CAMK2B: variants seen among roughly 807,000 people sequenced by gnomAD.
CAMK2B encodes calcium/calmodulin-dependent protein kinase type II subunit beta.
In CAMK2B, 27 loss-of-function variants were observed where a neutral mutation model predicts 93.7. That is an observed-to-expected ratio of 0.29 (90% CI 0.21 to 0.40). CAMK2B has a LOEUF of 0.40. Among genes scored for constraint, CAMK2B ranks in the 10% least tolerant of loss-of-function variants. The pLI, the probability that CAMK2B is intolerant of heterozygous loss-of-function variation, is 1.00. For missense variants in CAMK2B, 568 were observed against 895.8 expected, an observed-to-expected ratio of 0.63 and a Z score of 4.67; for synonymous variants, 374 against 358.8, an observed-to-expected ratio of 1.04 and a Z score of -0.48.
At chr7:44,297,699 A>C (rs536868070) in intron 1 of CAMK2B, among the ~76,000 whole-genome samples, 4 of 152,328 alleles carry the variant, frequency 2.6e-5, no homozygotes, top group African/African-American at 4.8e-5. Flanking sequence ...CAAAATTCCA[A>C]TGGCTTTTTT....
chr7:44,278,056 C>T (rs2097065316), intron 2 of CAMK2B, among the ~76,000 whole-genome samples: 1 of 152,200 alleles, frequency 6.6e-6, no homozygotes, highest in South Asian at 2.1e-4. Context: ...GCTGCATCTG[C>T]CCTCAAGGAG....
chr7:44,321,197 G>A (rs149879201), intron 1 of CAMK2B, among the ~76,000 whole-genome samples: 72 of 152,276 alleles, frequency 4.7e-4, no homozygotes, highest in African/African-American at 1.4e-3. Context: ...AAATTGATTC[G>A]CTCTGAATTT....
intron 13 of CAMK2B, among the ~76,000 whole-genome samples, chr7:44,237,213 C>T (rs902513561): frequency 2.0e-5 from 3 of 152,220 alleles, no homozygotes; most frequent in African/African-American, 4.8e-5. Context: ...TTAGGCCCAT[C>T]GGCGGGGCTG....
In CAMK2B at chr7:44,322,018, G is replaced by A. The variant is rs1320937612; in HGVS notation, c.65+3339C>T. Among the ~76,000 whole-genome samples the A allele has an allele frequency of 2.0e-5, 3 of 152,236 alleles. No individual in the cohort carries two copies. In the South Asian group the frequency reaches 6.2e-4, roughly 31 times the overall value. ...AAGAAACTCTCACACCTGCGCCCCA[G>A]ACGCATTCAGGGCCCGGGCCGTGAC... is the stretch of plus-strand genomic sequence containing the variant. On this transcript the variant is annotated intron_variant, in intron 1 of 23. Coordinates refer to ENST00000395749, the MANE Select transcript of CAMK2B (RefSeq NM_001220.5).
At chr7:44,219,885 G>A (rs2096377183) in intron 23 of CAMK2B, among the ~76,000 whole-genome samples, 175 bp downstream of exon 23, 2 of 152,110 alleles carry the variant, frequency 1.3e-5, no homozygotes, top group Admixed American at 1.3e-4. Flanking sequence ...GCCACACCCA[G>A]CCTGCCGTGG....
At chr7:44,238,416 C>A (rs1302450622) in intron 13 of CAMK2B, among the ~76,000 whole-genome samples, 1 of 152,184 alleles carries the variant, frequency 6.6e-6, no homozygotes, top group African/African-American at 2.4e-5. Flanking sequence ...CCAGAAGCCA[C>A]TAGCCTCACT....
chr7:44,320,063 G>A lies in CAMK2B; in HGVS notation c.65+5294C>T, dbSNP rs1795711570. Among the ~76,000 whole-genome samples the A allele has an allele frequency of 2.0e-5, 3 of 152,134 alleles. No homozygotes were observed. The South Asian group carries it at 6.2e-4, about 32-fold the overall frequency. The stretch of plus-strand genomic sequence containing the variant: ...GTCACATTTTACGGCACGTACTTCT[G>A]TATTACTTGGTGTGTGTGTGTATGT... On this transcript the variant is annotated intron_variant, in intron 1 of 23. Transcript: ENST00000395749.
At chr7:44,251,886 C>T (rs2096784034) in intron 5 of CAMK2B, among the ~76,000 whole-genome samples, 1 of 152,168 alleles carries the variant, frequency 6.6e-6, no homozygotes, top group Non-Finnish European at 1.5e-5. Flanking sequence ...CCCTAGAAAT[C>T]CCTCACTTCT....
At chr7:44,239,322 G>A (rs908362795) in intron 13 of CAMK2B, among the ~76,000 whole-genome samples, 4 of 152,186 alleles carry the variant, frequency 2.6e-5, no homozygotes, top group African/African-American at 4.8e-5. Context: ...CCCAGACCTC[G>A]GGGGCCAGGA....
Position 44,311,265 on chromosome 7 carries a change from G to A in CAMK2B, c.65+14092C>T, listed in dbSNP as rs1793470326. Among the ~76,000 whole-genome samples the A allele has an allele frequency of 6.6e-6, 1 of 152,010 alleles. No individual in the cohort carries two copies. Among genetic ancestry groups the A allele is most frequent in the Admixed American group, 6.5e-5 (1 of 15,274 alleles). ...ACATTTTTGTATTTTTAGTAGACAT[G>A]GGGTTTCACCATGTTGGCCAGGCTG... On this transcript the variant is annotated intron_variant, in intron 1 of 23. Coordinates refer to ENST00000395749, the MANE Select transcript of CAMK2B (RefSeq NM_001220.5). This position sits in a 1 kb window ranked among gnomAD's most constrained non-coding sequence, Gnocchi z 4.2.
At position 44,284,168 on chromosome 7, in the gene CAMK2B, T is replaced by G; in HGVS notation, c.123A>C (p.Ala41=). The G allele has an allele frequency of 2.5e-6, 4 of 1,613,854 alleles. No homozygotes were observed. The highest frequency in any genetic ancestry group is 2.5e-6 in the Non-Finnish European group (3 of 1,179,914). Residue 41 remains alanine (A), a synonymous_variant, in exon 2 of 24, where the codon GCA becomes GCC. Coordinates refer to ENST00000395749, the MANE Select transcript of CAMK2B (RefSeq NM_001220.5). The stretch of plus-strand genomic sequence containing the variant: ...GCTTCTTGGTGTTGATGATCTTGGC[T>G]GCATACTCATGGCCGGTGCAGAGCT... ...CVKLCTGHEY[A]AKIINTKKLS...
intron 2 of CAMK2B, among the ~76,000 whole-genome samples, chr7:44,279,445 C>T (rs1450509215): frequency 6.6e-6 from 1 of 152,258 alleles, no homozygotes; most frequent in Non-Finnish European, 1.5e-5. Context: ...TCTGGAGCCA[C>T]ACACGGCTGG....
At chr7:44,252,852 T>C (rs2096792810) in intron 5 of CAMK2B, among the ~76,000 whole-genome samples, 1 of 152,208 alleles carries the variant, frequency 6.6e-6, no homozygotes, top group Non-Finnish European at 1.5e-5. Flanking sequence ...CTAAGTAGAA[T>C]ATAAAGGAAA....
At chr7:44,323,305 C>T (rs925890490) in intron 1 of CAMK2B, among the ~76,000 whole-genome samples, 1 of 152,404 alleles carries the variant, frequency 6.6e-6, no homozygotes, top group South Asian at 2.1e-4. Context: ...CACTCCTCAC[C>T]TCGCAATGCA....
At chr7:44,221,008 C>A in intron 20 of CAMK2B, 107 bp from the exon 21 acceptor site, 1 of 869,438 alleles carries the variant, frequency 1.2e-6, no homozygotes, top group South Asian at 1.5e-5. Flanking sequence ...GCATCCATGC[C>A]GTGTTCCTGC....
chr7:44,291,383 C>T (rs73317762), intron 1 of CAMK2B, among the ~76,000 whole-genome samples: 3,270 of 152,286 alleles, frequency 0.021, 110 homozygotes, highest in African/African-American at 0.074. Context: ...AGACGTCCCC[C>T]AGGTAGGTGC....
intron 1 of CAMK2B, among the ~76,000 whole-genome samples, chr7:44,296,915 G>T (rs527795056): frequency 2.0e-5 from 3 of 152,212 alleles, no homozygotes; most frequent in Non-Finnish European, 4.4e-5. Context: ...AATGTTAAAA[G>T]AAATTATTCA....
At chr7:44,285,948 C>G (rs1272527732) in intron 1 of CAMK2B, among the ~76,000 whole-genome samples, 1 of 151,714 alleles carries the variant, frequency 6.6e-6, no homozygotes, top group Non-Finnish European at 1.5e-5. Flanking sequence ...GATTTTTTCA[C>G]CATGTGCATC....
intron 4 of CAMK2B, among the ~76,000 whole-genome samples, chr7:44,256,209 C>T (rs867589300): frequency 2.0e-5 from 3 of 152,246 alleles, no homozygotes; most frequent in Non-Finnish European, 2.9e-5. Context: ...ACAGTGTTGA[C>T]GGGGCCCTTC....
Sources: allele counts gnomAD v4.1 joint callset (sites outside exome capture counted in the v4.1 genomes callset), GRCh38; gene constraint gnomAD v4.1.1; non-coding constraint Gnocchi (gnomAD v3.1); transcripts MANE v1.5; gene names NCBI Gene and HGNC (gene_info 2026-07-23, HGNC 2026-07-21).